IST1: variants seen among roughly 807,000 people sequenced by gnomAD.
IST1 encodes the protein IST1 homolog.
In IST1, 23 loss-of-function variants were observed where a neutral mutation model predicts 37.0. The ratio of observed to expected loss-of-function variants is 0.62; its 90% CI spans 0.45 to 0.88. The LOEUF (loss-of-function observed/expected upper bound fraction) is 0.88. Among genes scored for constraint, IST1 ranks in the 40% least tolerant of loss-of-function variants. IST1 has a pLI of 0.00. For missense variants in IST1, 488 were observed against 445.4 expected (o/e 1.10, Z -0.86); for synonymous variants, 180 against 161.7 (o/e 1.11, Z -0.86).
intron 1 of IST1, among the ~76,000 whole-genome samples, chr16:71,910,605 CAA>C (rs200536197): frequency 7.7e-5 from 7 of 91,146 alleles, no homozygotes; most frequent in African/African-American, 1.0e-4. Context: ...GACTCTGTCT[CAA>C]AAAAAAAAAA....
In IST1 at chr16:71,921,471, T is replaced by A. The variant is rs1353403122; in HGVS notation, c.552+18T>A. ...TGGTCATGGTAAGTTTATCCCAGAATACAAAGAAAAATGAGTTTGTAGGTA... is the reference window on the plus strand; with the variant it reads ...TGGTCATGGTAAGTTTATCCCAGAAAACAAAGAAAAATGAGTTTGTAGGTA... On this transcript the variant is annotated intron_variant, in intron 6 of 9. Coordinates refer to ENST00000378799, the MANE Select transcript of IST1 (RefSeq NM_001270975.2). 6.7e-7 allele frequency: 1 copy of A among 1,486,078 alleles called. No homozygotes were observed. The allele number at this position is 1,486,078 out of a possible 1,614,324, so 92.1% of individuals were successfully genotyped here.
At chr16:71,912,529 G>A (rs1214281826) in intron 1 of IST1, among the ~76,000 whole-genome samples, 2 of 152,156 alleles carry the variant, frequency 1.3e-5, no homozygotes, top group South Asian at 2.1e-4. Context: ...GAGCCACCGC[G>A]CCCGGCCTAA....
Position 71,928,368 on chromosome 16 carries a change from A to G in IST1, c.*555A>G, listed in dbSNP as rs189591704. On this transcript the variant is annotated 3_prime_UTR_variant, in exon 10 of 10. Coordinates refer to ENST00000378799, the MANE Select transcript of IST1 (RefSeq NM_001270975.2). ...CTGGAAGCTGGGCCCTCTCATTGGC[A>G]TATACAGTACTCCTCGCTGCAGGGC... 2.4e-5 allele frequency: 4 copies of G among 165,022 alleles called. No individual in the cohort carries two copies. Among genetic ancestry groups the G allele is most frequent in the Admixed American group, 1.2e-4 (2 of 16,982 alleles). 10.2% of individuals were successfully genotyped at this position (165,022 alleles called of 1,614,324 possible). A position where few individuals can be genotyped will look rare whatever the true frequency, so the allele number is the denominator to read the frequency against.
At chr16:71,895,884 G>GC (rs1308671759) in intron 1 of IST1, among the ~76,000 whole-genome samples, 1 of 152,236 alleles carries the variant, frequency 6.6e-6, no homozygotes, top group African/African-American at 2.4e-5. Flanking sequence ...TAGTCTTCCT[G>GC]CCCCGAGGTG....
rs1455149847 is a variant in IST1 at position 71,929,149 on chromosome 16, T to TTAGA, written c.*1340_*1343dup. 11 of 171,348 alleles carry TTAGA rather than the reference T, an allele frequency of 6.4e-5. No homozygotes were observed. Among genetic ancestry groups the TTAGA allele is most frequent in the African/African-American group, 2.4e-4 (10 of 41,758 alleles). The allele number at this position is 171,348 out of a possible 1,614,324, so 10.6% of individuals were successfully genotyped here. On this transcript the variant is annotated 3_prime_UTR_variant, in exon 10 of 10. Coordinates refer to ENST00000378799, the MANE Select transcript of IST1 (RefSeq NM_001270975.2). ...ACAGAGCTCATTTTGATCTCTGTAT[T>TTAGA]TAGATAGCCCAGATAGCATCTGTGA...
Position 71,930,997 on chromosome 16 carries a change from G to C in IST1, c.*3184G>C, listed in dbSNP as rs2037935437. ...TATTATAACAATTTCAGGTCAACCA[G>C]ATAATGTGGGCAATCTCTGAGTTTG... On this transcript the variant is annotated 3_prime_UTR_variant, in exon 10 of 10. Coordinates refer to ENST00000378799, the MANE Select transcript of IST1 (RefSeq NM_001270975.2). The C allele has an allele frequency of 6.6e-6, 1 of 152,174 alleles. No homozygotes were observed. The allele number at this position is 152,174 out of a possible 1,614,324, so 9.4% of individuals were successfully genotyped here.
At chr16:71,905,834 C>G (rs1396905733) in intron 1 of IST1, among the ~76,000 whole-genome samples, 2 of 152,122 alleles carry the variant, frequency 1.3e-5, no homozygotes, top group Non-Finnish European at 2.9e-5. Context: ...ACATTGAAAG[C>G]TCTATCAGAC....
intron 3 of IST1, among the ~76,000 whole-genome samples, 194 bp from the exon 4 acceptor site, chr16:71,916,853 T>C (rs1343530841): frequency 6.6e-6 from 1 of 152,148 alleles, no homozygotes; most frequent in Non-Finnish European, 1.5e-5. Context: ...TTCATGGCCT[T>C]GAGCTTGTTG....
At chr16:71,895,469 GC>G, upstream of IST1, 2 of 970,210 alleles carry the variant, frequency 2.1e-6, no homozygotes, top group South Asian at 9.4e-5. Flanking sequence ...GGAGGGCGTG[GC>G]TATATCGGCC....
rs147998167 is a variant in IST1 at position 71,914,010 on chromosome 16, G to C, written c.-15-1616G>C. Among the ~76,000 whole-genome samples the C allele has an allele frequency of 2.3e-3, 345 of 152,160 alleles. 2 individuals carry two copies. Among genetic ancestry groups the C allele is most frequent in the African/African-American group, 8.2e-3 (340 of 41,504 alleles). ...TTTAGTAGAGATGGGGTTTCTCCGT[G>C]TTGGTCAGGCTGATCTCGAACTCCC... is the stretch of plus-strand genomic sequence containing the variant. On this transcript the variant is annotated intron_variant, in intron 1 of 9. Transcript: ENST00000378799.
chr16:71,920,928 C>T (rs774798017), intron 5 of IST1, 106 bp downstream of exon 5: 2 of 845,630 alleles, frequency 2.4e-6, no homozygotes, highest in Non-Finnish European at 4.1e-6. Context: ...TATGGGGTTT[C>T]ACCTTTCATA....
intron 1 of IST1, among the ~76,000 whole-genome samples, chr16:71,895,957 C>T (rs553846516): frequency 2.0e-5 from 3 of 152,230 alleles, no homozygotes; most frequent in East Asian, 1.9e-4. Context: ...ACCCCTACCC[C>T]GTCTTTTCTG....
rs1007397648 is a variant in IST1, at chr16:71,901,347, G to A, written c.-16+5758G>A. Among the ~76,000 whole-genome samples, 3 of 152,080 alleles carry A rather than the reference G, an allele frequency of 2.0e-5. No homozygotes were observed. The East Asian group carries it at 5.8e-4, about 29-fold the overall frequency. ...TCCTGCCTCACCCTCCCAAATAGCT[G>A]GGACTACAGGCACCCATCACCACAC... On this transcript the variant is annotated intron_variant, in intron 1 of 9. Transcript: ENST00000378799.
At position 71,930,065 on chromosome 16, in the gene IST1, C is replaced by G; in HGVS notation, c.*2252C>G. 6.5e-7 allele frequency: 1 copy of G among 1,548,900 alleles called. No individual in the cohort carries two copies. The highest frequency in any genetic ancestry group is 1.4e-5 in the African/African-American group (1 of 72,946). On this transcript the variant is annotated 3_prime_UTR_variant, in exon 10 of 10. Transcript: ENST00000378799. ...TTAGTTACCTACCTTAAGCGACTTT[C>G]TTTCTTTTCCAAAGGCCATGAGAAT... is the stretch of plus-strand genomic sequence containing the variant.
At chr16:71,907,337 G>T (rs1394095358) in intron 1 of IST1, among the ~76,000 whole-genome samples, 1 of 150,760 alleles carries the variant, frequency 6.6e-6, no homozygotes, top group East Asian at 1.9e-4. Context: ...GAGTGCAGTG[G>T]TGCGATCTCC....
At chr16:71,909,593 T>C (rs2037306727) in intron 1 of IST1, among the ~76,000 whole-genome samples, 1 of 152,218 alleles carries the variant, frequency 6.6e-6, no homozygotes, top group South Asian at 2.1e-4. Context: ...TACTGCCAAA[T>C]TAGTGTCTAA....
intron 1 of IST1, among the ~76,000 whole-genome samples, chr16:71,904,041 C>T (rs2037166639): frequency 6.6e-6 from 1 of 152,040 alleles, no homozygotes; most frequent in Non-Finnish European, 1.5e-5. Flanking sequence ...ATGTAATGTC[C>T]TTCTGTATCC....
Position 71,930,275 on chromosome 16 carries a change from GAAGA to G in IST1, c.*2465_*2468del. 7.7e-7 allele frequency: 1 copy of G among 1,297,128 alleles called. No homozygotes were observed. The highest frequency in any genetic ancestry group is 1.0e-6 in the Non-Finnish European group (1 of 988,462). 80.4% of individuals were successfully genotyped at this position (1,297,128 alleles called of 1,614,324 possible). On this transcript the variant is annotated 3_prime_UTR_variant, in exon 10 of 10. Transcript: ENST00000378799. The stretch of plus-strand genomic sequence containing the variant: ...TATGCTAGTGTTTGGGATCTTATCA[GAAGA>G]AAAGCTTATCCGAAGGAAACTTAGG...
intron 1 of IST1, among the ~76,000 whole-genome samples, chr16:71,909,232 C>T (rs370097535): frequency 1.3e-5 from 2 of 151,504 alleles, no homozygotes; most frequent in Non-Finnish European, 2.9e-5. Flanking sequence ...CTCACCCTTG[C>T]AAGTAGCTAG....
Sources: gnomAD v4.1 joint callset for allele counts (sites outside exome capture counted in the v4.1 genomes callset) on GRCh38, gnomAD v4.1.1 for gene constraint, MANE v1.5 for transcripts, NCBI Gene and HGNC (gene_info 2026-07-23, HGNC 2026-07-21) for gene names.